RLN2: variants seen among roughly 807,000 people sequenced by gnomAD.
The protein encoded by RLN2 is prorelaxin H2.
Under a neutral mutation model 7.3 loss-of-function variants are expected in RLN2, and 10 were observed. The ratio of observed to expected loss-of-function variants is 1.36; its 90% CI spans 0.84 to 2.31. RLN2 has a LOEUF of 2.31. Among genes scored for constraint, RLN2 ranks in the 30% most tolerant of loss-of-function variants. The pLI, the probability that RLN2 is intolerant of heterozygous loss-of-function variation, is 0.00. For synonymous variants in RLN2, 103 were observed against 82.3 expected (o/e 1.25, Z -1.36); for missense variants, 298 against 217.6 (o/e 1.37, Z -2.32).
the RLN2 span, among the ~76,000 whole-genome samples, chr9:5,314,660 T>G: frequency 6.6e-6 from 1 of 152,032 alleles, no homozygotes; most frequent in Non-Finnish European, 1.5e-5. Flanking sequence ...CATTAGAGTA[T>G]GAGCTGCTGA....
the RLN2 span, among the ~76,000 whole-genome samples, chr9:5,330,948 C>T: frequency 2.0e-5 from 3 of 151,792 alleles, no homozygotes; most frequent in South Asian, 6.2e-4. Flanking sequence ...TACAAACTAC[C>T]ATCAGAGAAT....
At chr9:5,321,630 G>T in the RLN2 span, among the ~76,000 whole-genome samples, 1 of 151,842 alleles carries the variant, frequency 6.6e-6, no homozygotes, top group Admixed American at 6.6e-5. Flanking sequence ...ATGCAGGGTG[G>T]GGGGAAGCAA....
chr9:5,314,115 C>T, the RLN2 span, among the ~76,000 whole-genome samples: 1 of 152,050 alleles, frequency 6.6e-6, no homozygotes, highest in Admixed American at 6.5e-5. Flanking sequence ...CACAGCTACA[C>T]TCCCCACAGA....
At chr9:5,335,386 T>G in the RLN2 span, 5 of 1,613,570 alleles carry the variant, frequency 3.1e-6, no homozygotes, top group Admixed American at 8.3e-5. Flanking sequence ...GATTGCTGTC[T>G]GCGGCTTCAC....
At chr9:5,329,057 A>G in the RLN2 span, among the ~76,000 whole-genome samples, 3 of 151,596 alleles carry the variant, frequency 2.0e-5, no homozygotes, top group South Asian at 4.2e-4. Context: ...TAATCCCAAC[A>G]CTTTGGGAGG....
rs1392250385 is a variant in RLN2, at chr9:5,304,475, C to A, written c.106G>T (p.Gly36Cys). The change falls in exon 1 of 2, where the codon GGC becomes TGC. Residue 36 changes from glycine (G) to cysteine (C), a missense_variant. Physicochemically the swap from Gly to Cys is radical, Grantham distance 159. Transcript: ENST00000381627. ...SWMEEVIKLC[G>C]RELVRAQIAI... is the part of the protein sequence containing the mutation. ...ATCTGCGCGCGAACTAATTCGCGGCCGCATAATTTAATAACTTCCTCCATC... is the reference window on the plus strand; with the variant it reads ...ATCTGCGCGCGAACTAATTCGCGGCAGCATAATTTAATAACTTCCTCCATC... 1 of 1,613,434 alleles carries A rather than the reference C, an allele frequency of 6.2e-7. No individual in the cohort carries two copies. Among genetic ancestry groups the A allele is most frequent in the African/African-American group, 1.3e-5 (1 of 74,690 alleles).
At chr9:5,311,172 T>G in the RLN2 span, among the ~76,000 whole-genome samples, 2 of 151,880 alleles carry the variant, frequency 1.3e-5, no homozygotes, top group African/African-American at 4.8e-5. Context: ...ATCTCTAAGA[T>G]TAGGAAAAAC....
chr9:5,313,837 A>G, the RLN2 span, among the ~76,000 whole-genome samples: 1 of 152,120 alleles, frequency 6.6e-6, no homozygotes, highest in East Asian at 1.9e-4. Flanking sequence ...GGATGTTAGA[A>G]TACATTAAAG....
upstream of RLN2, among the ~76,000 whole-genome samples, chr9:5,306,513 T>C (rs1212931708): frequency 6.6e-6 from 1 of 152,104 alleles, no homozygotes; most frequent in Non-Finnish European, 1.5e-5. Flanking sequence ...AGGGTAATTT[T>C]GGCCAGCACA....
chr9:5,325,841 C>A, the RLN2 span, among the ~76,000 whole-genome samples: 3 of 151,968 alleles, frequency 2.0e-5, no homozygotes, highest in Admixed American at 6.6e-5. Context: ...TGAAAGGTGA[C>A]ATCAATTTTT....
At chr9:5,306,406 C>T (rs1478516397), upstream of RLN2, among the ~76,000 whole-genome samples, 3 of 151,894 alleles carry the variant, frequency 2.0e-5, no homozygotes, top group Non-Finnish European at 2.9e-5. Context: ...ATGTTGCCTA[C>T]ATGGTTTTAT....
intron 1 of RLN2, among the ~76,000 whole-genome samples, chr9:5,301,203 C>T (rs1816121693): frequency 6.6e-6 from 1 of 152,170 alleles, no homozygotes. Flanking sequence ...GCAGATCATG[C>T]ACTATGCAAG....
At chr9:5,327,100 A>G in the RLN2 span, among the ~76,000 whole-genome samples, 1 of 151,998 alleles carries the variant, frequency 6.6e-6, no homozygotes, top group Non-Finnish European at 1.5e-5. Context: ...GTGTCACCTC[A>G]CCCGGGAAAT....
At chr9:5,338,245 C>T in the RLN2 span, among the ~76,000 whole-genome samples, 853 of 59,454 alleles carry the variant, frequency 0.014, 34 homozygotes, top group African/African-American at 0.056. Context: ...CAATGCAATC[C>T]GGTCTTCTCT....
At chr9:5,308,609 CTAAATTTAGGT>C (rs1466315783), upstream of RLN2, among the ~76,000 whole-genome samples, 9 of 151,986 alleles carry the variant, frequency 5.9e-5, no homozygotes, top group African/African-American at 2.2e-4. Flanking sequence ...GCTCTTCCAT[CTAAATTTAGGT>C]TAAAATTAAT....
chr9:5,336,123 C>A, the RLN2 span, among the ~76,000 whole-genome samples: 1 of 151,972 alleles, frequency 6.6e-6, no homozygotes, highest in East Asian at 1.9e-4. Context: ...ATTTCCAACA[C>A]CTGTAATCTA....
At chr9:5,316,927 T>A in the RLN2 span, among the ~76,000 whole-genome samples, 19 of 152,112 alleles carry the variant, frequency 1.2e-4, no homozygotes, top group East Asian at 3.3e-3. Flanking sequence ...ATATGTAAAT[T>A]GTGAAATCAA....
chr9:5,309,656 G>A (rs1449392964), upstream of RLN2, among the ~76,000 whole-genome samples: 1 of 152,028 alleles, frequency 6.6e-6, no homozygotes, highest in African/African-American at 2.4e-5. Context: ...TACACACTCA[G>A]CACCGCCCAT....
At chr9:5,311,692 C>T in the RLN2 span, 85 of 1,260,030 alleles carry the variant, frequency 6.7e-5, 1 homozygote, top group Admixed American at 1.2e-4. Flanking sequence ...CACAGAAAGC[C>T]GAAGGTGCTG....
Sources: allele counts gnomAD v4.1 joint callset (sites outside exome capture counted in the v4.1 genomes callset), GRCh38; gene constraint gnomAD v4.1.1; transcripts MANE v1.5; gene names NCBI Gene and HGNC (gene_info 2026-07-23, HGNC 2026-07-21).